The following HLCS variants were observed in gnomAD, a reference collection of about 807,000 sequenced individuals.
The protein encoded by HLCS is holocarboxylase synthetase.
HLCS carries 53 observed loss-of-function variants against 75.0 expected under a neutral mutation model. That is an observed-to-expected ratio of 0.71 (90% CI 0.57 to 0.89). The LOEUF (loss-of-function observed/expected upper bound fraction) is 0.89. Ranked by LOEUF, HLCS falls within the 40% of genes least tolerant of loss-of-function variation. The probability of loss-of-function intolerance (pLI) is 0.00; values close to 1 mark genes in which losing one functional copy is unlikely to be tolerated. For missense variants in HLCS, 966 were observed against 1,074.0 expected (o/e 0.90, Z 1.41); for synonymous variants, 431 against 428.6 (o/e 1.01, Z -0.07).
chr21:36,937,548 C>T (rs1027066843), intron 3 of HLCS, among the ~76,000 whole-genome samples, 156 bp from the exon 4 acceptor site: 5 of 152,148 alleles, frequency 3.3e-5, no homozygotes, highest in South Asian at 4.1e-4. Context: ...CCCCTCAACT[C>T]GGGGGCATCC....
intron 6 of HLCS, among the ~76,000 whole-genome samples, chr21:36,836,324 T>TA (rs1019576416): frequency 5.9e-5 from 9 of 152,086 alleles, no homozygotes; most frequent in African/African-American, 1.9e-4. Context: ...AATTTTTTTT[T>TA]ATTATACTTT....
At chr21:36,951,153 G>A (rs1279843507) in intron 2 of HLCS, among the ~76,000 whole-genome samples, 3 of 152,166 alleles carry the variant, frequency 2.0e-5, no homozygotes, top group Non-Finnish European at 4.4e-5. Flanking sequence ...TCTTAACTCA[G>A]CCTATGAGCC....
chr21:36,811,661 C>T (rs1307535639), intron 6 of HLCS, among the ~76,000 whole-genome samples: 1 of 152,208 alleles, frequency 6.6e-6, no homozygotes, highest in Admixed American at 6.5e-5. Context: ...AGTAGTGCTC[C>T]TTGGAGAAAT....
At chr21:36,869,905 G>T (rs188680916) in intron 6 of HLCS, among the ~76,000 whole-genome samples, 2 of 152,140 alleles carry the variant, frequency 1.3e-5, no homozygotes, top group East Asian at 3.9e-4. Flanking sequence ...TTAACTTCTG[G>T]GAAAACCCTA....
At chr21:36,909,940 T>A (rs1239026397) in intron 5 of HLCS, among the ~76,000 whole-genome samples, 1 of 152,214 alleles carries the variant, frequency 6.6e-6, no homozygotes, top group Non-Finnish European at 1.5e-5. Flanking sequence ...TTTGCCTCAT[T>A]GCAAATAATA....
At chr21:36,825,273 G>T (rs1014954303) in intron 6 of HLCS, among the ~76,000 whole-genome samples, 1 of 152,172 alleles carries the variant, frequency 6.6e-6, no homozygotes, top group South Asian at 2.1e-4. Flanking sequence ...CTCTGGTCCT[G>T]GCTACTTGAG....
At chr21:36,979,054 G>A (rs2069027196) in intron 1 of HLCS, among the ~76,000 whole-genome samples, 2 of 152,086 alleles carry the variant, frequency 1.3e-5, no homozygotes, top group African/African-American at 4.8e-5. Context: ...CAGATCATGA[G>A]GTCAGGAGAT....
chr21:36,798,046 G>A (rs1039592059), intron 6 of HLCS, among the ~76,000 whole-genome samples: 1 of 152,214 alleles, frequency 6.6e-6, no homozygotes, highest in Non-Finnish European at 1.5e-5. Flanking sequence ...TAACACGTGA[G>A]CAGAGACTTG....
At chr21:36,802,017 A>G (rs115461771) in intron 6 of HLCS, among the ~76,000 whole-genome samples, 1,878 of 152,298 alleles carry the variant, frequency 0.012, 32 homozygotes, top group African/African-American at 0.042. Flanking sequence ...TGTATATGAC[A>G]TAAGGTATAC....
rs1205696775 is a variant in HLCS at position 36,962,178 on chromosome 21, G to C, written c.196-8C>G. ...GTTCAAGTCTTCAATGGACTGTATA[G>C]AGGGAAAGAAATATAATGAGATTGT... On this transcript the variant is annotated splice_polypyrimidine_tract_variant and splice_region_variant and intron_variant, in intron 1 of 10. Coordinates refer to ENST00000674895, the MANE Select transcript of HLCS (RefSeq NM_001352514.2). 4.7e-6 allele frequency: 6 copies of C among 1,284,898 alleles called. No homozygotes were observed. The South Asian group carries it at 6.2e-5, about 13-fold the overall frequency. The allele number at this position is 1,284,898 out of a possible 1,614,324, so 79.6% of individuals were successfully genotyped here.
chr21:36,848,085 T>A (rs943297814), intron 6 of HLCS, among the ~76,000 whole-genome samples: 3 of 152,140 alleles, frequency 2.0e-5, no homozygotes, highest in Non-Finnish European at 4.4e-5. Context: ...GCGACGAACA[T>A]CCACATATAT....
chr21:36,892,763 G>A (rs191973598), intron 6 of HLCS, among the ~76,000 whole-genome samples: 97 of 152,178 alleles, frequency 6.4e-4, no homozygotes, highest in African/African-American at 1.8e-3. Context: ...AATGGTAGAC[G>A]GAGAAAAAGA....
upstream of HLCS, among the ~76,000 whole-genome samples, chr21:36,970,620 C>T (rs892142298): frequency 3.3e-5 from 5 of 152,216 alleles, no homozygotes; most frequent in East Asian, 3.9e-4. Flanking sequence ...CTACCCGCCT[C>T]GGCCTCCCAA....
intron 3 of HLCS, among the ~76,000 whole-genome samples, chr21:36,938,258 T>C (rs763840159): frequency 6.6e-6 from 1 of 152,174 alleles, no homozygotes; most frequent in African/African-American, 2.4e-5. Context: ...GAAATAAATA[T>C]TATATGGGTT....
chr21:36,930,596 C>G (rs2066596111), intron 4 of HLCS, among the ~76,000 whole-genome samples, 163 bp from the exon 5 acceptor site: 1 of 151,970 alleles, frequency 6.6e-6, no homozygotes, highest in Admixed American at 6.6e-5. Context: ...CCTCCCACCT[C>G]AGCCTCCCAA....
At chr21:36,970,589 G>A (rs565707782), upstream of HLCS, among the ~76,000 whole-genome samples, 33 of 152,054 alleles carry the variant, frequency 2.2e-4, no homozygotes, top group East Asian at 2.5e-3. Context: ...GGCTTGTCTC[G>A]AACTCCTGGA....
Position 36,868,404 on chromosome 21 carries a change from G to T in HLCS, c.1892+28456C>A, listed in dbSNP as rs184455829. Among the ~76,000 whole-genome samples, 25 of 152,114 alleles carry T rather than the reference G, an allele frequency of 1.6e-4. No individual in the cohort carries two copies. The East Asian group carries it at 4.6e-3, about 28-fold the overall frequency. Reference sequence around the variant, plus strand: ...GAGGTGGGAATGAGAGAAAGGAAGGGCACAGGCAAAACAAGACAGATGGGA... The same window carrying T: ...GAGGTGGGAATGAGAGAAAGGAAGGTCACAGGCAAAACAAGACAGATGGGA... On this transcript the variant is annotated intron_variant, in intron 6 of 10. Coordinates refer to ENST00000674895, the MANE Select transcript of HLCS (RefSeq NM_001352514.2).
chr21:36,771,247 TATAAA>T (rs879657249), intron 6 of HLCS, among the ~76,000 whole-genome samples: 15 of 150,428 alleles, frequency 1.0e-4, no homozygotes, highest in African/African-American at 3.5e-4. Flanking sequence ...AATAAATAAA[TATAAA>T]ATAAAATAAA....
Position 36,905,265 on chromosome 21 carries a change from C to A in HLCS, c.1621-8134G>T, listed in dbSNP as rs1398796281. Reference sequence around the variant, plus strand: ...TTACTGTATAAATGCACATTAAAACCTTACCAAGGAAAACTCTCCAAATAA... The same window carrying A: ...TTACTGTATAAATGCACATTAAAACATTACCAAGGAAAACTCTCCAAATAA... On this transcript the variant is annotated intron_variant, in intron 5 of 10. Transcript: ENST00000674895. Among the ~76,000 whole-genome samples the A allele has an allele frequency of 2.0e-5, 3 of 152,096 alleles. No individual in the cohort carries two copies. In the East Asian group the frequency reaches 5.8e-4, roughly 29 times the overall value.
Sources: gnomAD v4.1 joint callset for allele counts (sites outside exome capture counted in the v4.1 genomes callset) on GRCh38, gnomAD v4.1.1 for gene constraint, MANE v1.5 for transcripts, NCBI Gene and HGNC (gene_info 2026-07-23, HGNC 2026-07-21) for gene names.